Variants in ATXN1 observed in about 807,000 individuals in gnomAD.
ATXN1 encodes ataxin 1, also known as ataxin-1.
A neutral mutation model predicts 56.4 loss-of-function variants in ATXN1; 8 were observed. The observed-to-expected ratio is 0.14, with a 90% CI of 0.08 to 0.26. The LOEUF (loss-of-function observed/expected upper bound fraction) is 0.26. Ranked by LOEUF, ATXN1 falls within the 10% of genes least tolerant of loss-of-function variation. The probability of loss-of-function intolerance (pLI) is 1.00; values close to 1 mark genes in which losing one functional copy is unlikely to be tolerated. For missense variants in ATXN1, 987 were observed against 1,106.5 expected (o/e 0.89, Z 1.53); for synonymous variants, 514 against 494.6 (o/e 1.04, Z -0.52).
intron 6 of ATXN1, among the ~76,000 whole-genome samples, chr6:16,484,217 G>A (rs1760495188): frequency 6.6e-6 from 1 of 152,136 alleles, no homozygotes; most frequent in African/African-American, 2.4e-5. Flanking sequence ...AGGATCACTT[G>A]AGCTCAGTAG....
At chr6:16,432,110 A>T (rs552020412) in intron 6 of ATXN1, among the ~76,000 whole-genome samples, 1 of 152,360 alleles carries the variant, frequency 6.6e-6, no homozygotes, top group Non-Finnish European at 1.5e-5. Context: ...TTAAATATGA[A>T]GGGAATGTAC....
chr6:16,685,903 C>A (rs1758907813), intron 2 of ATXN1, among the ~76,000 whole-genome samples: 1 of 152,286 alleles, frequency 6.6e-6, no homozygotes, highest in Non-Finnish European at 1.5e-5. Flanking sequence ...TTTGTTATCT[C>A]TGTTCTTAAA....
intron 5 of ATXN1, among the ~76,000 whole-genome samples, chr6:16,504,845 C>T (rs1156324839): frequency 1.3e-5 from 2 of 152,164 alleles, no homozygotes. Flanking sequence ...AACATTCAAC[C>T]AGCTCTCTGA....
intron 6 of ATXN1, among the ~76,000 whole-genome samples, chr6:16,372,934 T>TAAATAAACAAAC (rs1285552853): frequency 6.7e-6 from 1 of 148,862 alleles, no homozygotes; most frequent in African/African-American, 2.5e-5. Flanking sequence ...AATAAATAAA[T>TAAATAAACAAAC]AAACAAACAA....
rs1289535582 is a variant in ATXN1 at position 16,326,046 on chromosome 6, T to C, written c.1917+348A>G. ...TTTCCTGGTAAGAAAAAGTGCCGAA[T>C]GACCACTAGAAGGACCTGAAGTCCA... On this transcript the variant is annotated intron_variant, in intron 7 of 7. Coordinates refer to ENST00000436367, the MANE Select transcript of ATXN1 (RefSeq NM_001128164.2). The surrounding 1 kb of genome is among the most constrained non-coding windows in gnomAD (Gnocchi z 6.6). Among the ~76,000 whole-genome samples the C allele has an allele frequency of 6.6e-6, 1 of 152,254 alleles. No individual in the cohort carries two copies. Among genetic ancestry groups the C allele is most frequent in the Non-Finnish European group, 1.5e-5 (1 of 68,044 alleles).
intron 2 of ATXN1, among the ~76,000 whole-genome samples, chr6:16,704,212 C>T (rs867213092): frequency 6.6e-6 from 1 of 152,206 alleles, no homozygotes. Flanking sequence ...CATTTCCTAT[C>T]TAATTTGGTC....
chr6:16,730,923 T>C (rs1759961096), intron 2 of ATXN1, among the ~76,000 whole-genome samples: 1 of 152,206 alleles, frequency 6.6e-6, no homozygotes, highest in African/African-American at 2.4e-5. Context: ...TTTTGACTTT[T>C]GATTGGTGTT....
chr6:16,456,448 G>A (rs62387751), intron 6 of ATXN1, among the ~76,000 whole-genome samples: 38,989 of 152,086 alleles, frequency 0.26, 6,068 homozygotes, highest in Non-Finnish European at 0.34. Flanking sequence ...AACAACCCCC[G>A]ACTGTTTGGA....
chr6:16,357,192 G>A (rs1486957811), intron 6 of ATXN1, among the ~76,000 whole-genome samples: 1 of 151,498 alleles, frequency 6.6e-6, no homozygotes, highest in African/African-American at 2.4e-5. Context: ...CACTACTAAG[G>A]TCCTATGGGT....
chr6:16,565,944 G>A (rs1762208352), intron 4 of ATXN1, among the ~76,000 whole-genome samples: 1 of 152,124 alleles, frequency 6.6e-6, no homozygotes, highest in Non-Finnish European at 1.5e-5. Flanking sequence ...CCATGAAGAG[G>A]TGCCAGCTCC....
intron 4 of ATXN1, among the ~76,000 whole-genome samples, chr6:16,528,750 A>G (rs1761442053): frequency 6.6e-6 from 1 of 152,222 alleles, no homozygotes; most frequent in African/African-American, 2.4e-5. Flanking sequence ...CAAGAAAAGT[A>G]ACCTAACCAA....
Position 16,376,910 on chromosome 6 carries a change from G to A in ATXN1, c.-160-48440C>T, listed in dbSNP as rs954486157. 4.6e-5 allele frequency among the ~76,000 whole-genome samples: 7 copies of A among 152,316 alleles called. No homozygotes were observed. The East Asian group carries it at 1.3e-3, about 29-fold the overall frequency. ...AAGTTATTGTATGCAGAGAGCTGCA[G>A]ACATTCTTGAAAGGTAAGGAGTATA... On this transcript the variant is annotated intron_variant, in intron 6 of 7. Transcript: ENST00000436367.
intron 7 of ATXN1, among the ~76,000 whole-genome samples, chr6:16,309,966 G>A (rs1171680368): frequency 1.3e-5 from 2 of 151,978 alleles, no homozygotes; most frequent in Admixed American, 6.6e-5. Flanking sequence ...CCCGGGAGGC[G>A]GAGGTTGCAG....
At chr6:16,644,261 C>T (rs1212744432) in intron 3 of ATXN1, among the ~76,000 whole-genome samples, 3 of 152,270 alleles carry the variant, frequency 2.0e-5, no homozygotes, top group Non-Finnish European at 2.9e-5. Flanking sequence ...TGGTGGCTCA[C>T]GCCCCAGCAC....
At chr6:16,543,699 A>G (rs1761759769) in intron 4 of ATXN1, among the ~76,000 whole-genome samples, 1 of 150,402 alleles carries the variant, frequency 6.6e-6, no homozygotes, top group South Asian at 2.1e-4. Flanking sequence ...AGGAATTTAG[A>G]TGTTTTCAAG....
At chr6:16,511,695 T>C (rs1271413062) in intron 5 of ATXN1, among the ~76,000 whole-genome samples, 3 of 152,036 alleles carry the variant, frequency 2.0e-5, no homozygotes, top group Non-Finnish European at 4.4e-5. Context: ...ACCAGCCATG[T>C]CTCCAAAACT....
intron 2 of ATXN1, among the ~76,000 whole-genome samples, chr6:16,743,384 T>A (rs1179721644): frequency 6.6e-6 from 1 of 152,208 alleles, no homozygotes; most frequent in Non-Finnish European, 1.5e-5. Flanking sequence ...ACAAAGCCAG[T>A]GGAACAAACA....
chr6:16,498,928 T>C (rs778194751), intron 5 of ATXN1, among the ~76,000 whole-genome samples: 3 of 152,198 alleles, frequency 2.0e-5, no homozygotes, highest in Non-Finnish European at 4.4e-5. Flanking sequence ...GACTTGCAAA[T>C]ATTTTCTCCC....
rs953214814 is a variant in ATXN1, at chr6:16,496,703, G to A, written c.-298-10594C>T. ...AACTCAGTTAAAATACCTGATGATC[G>A]CGTTTCATTAAAAACCCCAAGGAAT... On this transcript the variant is annotated intron_variant, in intron 5 of 7. Coordinates refer to ENST00000436367, the MANE Select transcript of ATXN1 (RefSeq NM_001128164.2). Among the ~76,000 whole-genome samples the A allele has an allele frequency of 6.6e-5, 10 of 152,250 alleles. No homozygotes were observed. The East Asian group carries it at 1.3e-3, about 21-fold the overall frequency.
Sources: gnomAD v4.1 joint callset for allele counts (sites outside exome capture counted in the v4.1 genomes callset) on GRCh38, gnomAD v4.1.1 for gene constraint, Gnocchi (gnomAD v3.1) non-coding constraint, MANE v1.5 for transcripts, NCBI Gene and HGNC (gene_info 2026-07-23, HGNC 2026-07-21) for gene names.